Variants in DPP6 observed in about 807,000 individuals in gnomAD.
DPP6 encodes dipeptidyl peptidase like 6, also known as A-type potassium channel modulatory protein DPP6.
In DPP6, 69 loss-of-function variants were observed where a neutral mutation model predicts 122.6. That is an observed-to-expected ratio of 0.56 (90% confidence interval 0.46 to 0.69). DPP6 has a LOEUF of 0.69. Among genes scored for constraint, DPP6 ranks in the 30% least tolerant of loss-of-function variants. The pLI, the probability that DPP6 is intolerant of heterozygous loss-of-function variation, is 0.00. For synonymous variants in DPP6, 418 were observed against 433.1 expected (o/e 0.97, Z 0.43); for missense variants, 928 against 1,116.9 (o/e 0.83, Z 2.41).
Position 154,877,788 on chromosome 7 carries a change from GC to G in DPP6, c.2078+1695del, listed in dbSNP as rs34066051. Among the ~76,000 whole-genome samples, 3 of 152,140 alleles carry G rather than the reference GC, an allele frequency of 2.0e-5. No individual in the cohort carries two copies. The highest frequency in any genetic ancestry group is 4.4e-5 in the Non-Finnish European group (3 of 68,020). ...GCCACCAGTGAGACAGGTGCAGGCAGCCCCCCCAGAGACCAAGTGGGTCCGT... is the reference window on the plus strand; with the variant it reads ...GCCACCAGTGAGACAGGTGCAGGCAGCCCCCCAGAGACCAAGTGGGTCCGT... On this transcript the variant is annotated intron_variant, in intron 20 of 25. Transcript: ENST00000377770. The surrounding 1 kb of genome is among the most constrained non-coding windows in gnomAD (Gnocchi z 5.2).
intron 1 of DPP6, among the ~76,000 whole-genome samples, chr7:154,147,967 C>G (rs1237767716): frequency 6.6e-6 from 1 of 151,410 alleles, no homozygotes; most frequent in Non-Finnish European, 1.5e-5. Flanking sequence ...CCAAACCTCA[C>G]AGTTATTCCC....
chr7:154,642,843 A>G (rs937264325), intron 6 of DPP6, among the ~76,000 whole-genome samples: 2 of 152,120 alleles, frequency 1.3e-5, no homozygotes, highest in Non-Finnish European at 2.9e-5. Context: ...CGGAGGTTGC[A>G]GTGAGCTGAG....
intron 1 of DPP6, among the ~76,000 whole-genome samples, chr7:153,976,478 A>C (rs2129035893): frequency 6.6e-6 from 1 of 152,352 alleles, no homozygotes; most frequent in Admixed American, 6.5e-5. Flanking sequence ...GGGATCCAGA[A>C]GTCATCATGA....
chr7:154,835,152 T>C (rs546736437), intron 16 of DPP6, among the ~76,000 whole-genome samples: 83 of 152,282 alleles, frequency 5.5e-4, no homozygotes, highest in African/African-American at 1.9e-3. Context: ...AGGATCATTG[T>C]AGATGTAACT....
rs955630733 is a variant in DPP6 at position 154,486,145 on chromosome 7, T to TC, written c.457+11108_457+11109insC. Among the ~76,000 whole-genome samples the TC allele has an allele frequency of 2.0e-5, 3 of 151,930 alleles. No homozygotes were observed. Among genetic ancestry groups the TC allele is most frequent in the African/African-American group, 7.3e-5 (3 of 41,290 alleles). On this transcript the variant is annotated intron_variant, in intron 3 of 25. Coordinates refer to ENST00000377770, the MANE Select transcript of DPP6 (RefSeq NM_130797.4). This position sits in a 1 kb window ranked among gnomAD's most constrained non-coding sequence, Gnocchi z 4.5. ...CCTACTCATGGCCTCTATTTTGTTT[T>TC]TTTTTTGAGATGGAGTCTCACTCTA...
Position 154,110,572 on chromosome 7 carries a change from A to G in DPP6, c.243+57509A>G, listed in dbSNP as rs150100098. Among the ~76,000 whole-genome samples the G allele has an allele frequency of 6.0e-3, 909 of 152,318 alleles. 13 individuals are homozygous for G. The highest frequency in any genetic ancestry group is 0.021 in the African/African-American group (873 of 41,570). On this transcript the variant is annotated intron_variant, in intron 1 of 25. Coordinates refer to ENST00000377770, the MANE Select transcript of DPP6 (RefSeq NM_130797.4). ...CATAAGGTACAAACAATAGAGCAGA[A>G]GGGAGACCACAAACTTCCATTCTTT... is the stretch of plus-strand genomic sequence containing the variant.
At chr7:154,041,320 A>G (rs983590737) in intron 1 of DPP6, among the ~76,000 whole-genome samples, 4 of 152,194 alleles carry the variant, frequency 2.6e-5, no homozygotes, top group African/African-American at 9.7e-5. Flanking sequence ...AATAACAAAT[A>G]ATCAGGTGGG....
At chr7:154,733,325 C>T (rs1842425500) in intron 8 of DPP6, among the ~76,000 whole-genome samples, 1 of 152,252 alleles carries the variant, frequency 6.6e-6, no homozygotes, top group Non-Finnish European at 1.5e-5. Context: ...AGAGCCTTTC[C>T]TAAGCTAGGG....
intron 10 of DPP6, among the ~76,000 whole-genome samples, chr7:154,775,480 A>G (rs527837596): frequency 2.0e-5 from 3 of 152,282 alleles, no homozygotes; most frequent in African/African-American, 7.2e-5. Flanking sequence ...TGGTCACCAT[A>G]TAATTTTTAA....
At chr7:154,193,466 G>A (rs1445782135) in intron 1 of DPP6, among the ~76,000 whole-genome samples, 4 of 152,136 alleles carry the variant, frequency 2.6e-5, no homozygotes, top group African/African-American at 9.7e-5. Flanking sequence ...CTGGAATGAT[G>A]GATTACATTT....
intron 1 of DPP6, among the ~76,000 whole-genome samples, chr7:153,945,666 T>G (rs940192571): frequency 6.6e-6 from 1 of 152,194 alleles, no homozygotes; most frequent in African/African-American, 2.4e-5. Flanking sequence ...AGTAAAGGTC[T>G]TATTCATGTG....
At chr7:154,887,570 T>C in intron 22 of DPP6, 106 bp from the exon 23 acceptor site, 1 of 1,108,782 alleles carries the variant, frequency 9.0e-7, no homozygotes, top group South Asian at 1.2e-5. Context: ...GGAATGAGCC[T>C]GAGTCCTCAC....
At chr7:153,832,654 T>A in the DPP6 span, among the ~76,000 whole-genome samples, 704 of 151,788 alleles carry the variant, frequency 4.6e-3, 6 homozygotes, top group African/African-American at 0.016. Flanking sequence ...CAAGAATGCG[T>A]GACCCAGAGT....
intron 6 of DPP6, among the ~76,000 whole-genome samples, chr7:154,642,887 G>A (rs932414848): frequency 2.0e-5 from 3 of 152,174 alleles, no homozygotes; most frequent in Non-Finnish European, 4.4e-5. Context: ...GGGTGGGAGA[G>A]CGAGACTCCA....
intron 1 of DPP6, among the ~76,000 whole-genome samples, chr7:153,972,554 C>T (rs187543348): frequency 0.014 from 2,077 of 145,004 alleles, 57 homozygotes; most frequent in African/African-American, 0.05. Flanking sequence ...CTAGTACTTC[C>T]AGTATCTTCA....
chr7:154,245,305 A>G (rs1801902041), intron 1 of DPP6, among the ~76,000 whole-genome samples: 1 of 152,052 alleles, frequency 6.6e-6, no homozygotes, highest in South Asian at 2.1e-4. Flanking sequence ...AAAGGAAAGA[A>G]TAGTAAAAGA....
intron 1 of DPP6, among the ~76,000 whole-genome samples, chr7:154,285,793 A>G (rs1804810563): frequency 1.3e-5 from 2 of 152,358 alleles, no homozygotes; most frequent in East Asian, 1.9e-4. Context: ...CTGTGCATTT[A>G]TTACAATCAG....
At chr7:154,828,834 C>T (rs986678956) in intron 16 of DPP6, among the ~76,000 whole-genome samples, 2 of 152,164 alleles carry the variant, frequency 1.3e-5, no homozygotes, top group African/African-American at 4.8e-5. Flanking sequence ...AAAATCGTGG[C>T]ATACTGACTT....
At chr7:154,475,172 T>C in intron 3 of DPP6, 135 bp downstream of exon 3, 1 of 721,272 alleles carries the variant, frequency 1.4e-6, no homozygotes, top group Non-Finnish European at 2.5e-6. Context: ...GCTTTTGCTG[T>C]AGTCATCATC....
Sources: gnomAD v4.1 joint callset for allele counts (sites outside exome capture counted in the v4.1 genomes callset) on GRCh38, gnomAD v4.1.1 for gene constraint, Gnocchi (gnomAD v3.1) non-coding constraint, MANE v1.5 for transcripts, NCBI Gene and HGNC (gene_info 2026-07-23, HGNC 2026-07-21) for gene names.